KCNH7: variants seen among roughly 807,000 people sequenced by gnomAD.
KCNH7 encodes voltage-gated inwardly rectifying potassium channel KCNH7.
A neutral mutation model predicts 120.8 loss-of-function variants in KCNH7; 49 were observed. That is an observed-to-expected ratio of 0.41 (90% confidence interval 0.32 to 0.51). The LOEUF (loss-of-function observed/expected upper bound fraction) is 0.51, where lower values mean the gene tolerates loss of function less well. Among genes scored for constraint, KCNH7 ranks in the 20% least tolerant of loss-of-function variants. KCNH7 has a pLI of 0.38. For synonymous variants in KCNH7, 547 were observed against 516.1 expected, an observed-to-expected ratio of 1.06 and a Z score of -0.81; for missense variants, 1,097 against 1,446.6, an observed-to-expected ratio of 0.76 and a Z score of 3.92.
intron 2 of KCNH7, among the ~76,000 whole-genome samples, chr2:162,827,321 A>T (rs1246720639): frequency 6.6e-6 from 1 of 152,130 alleles, no homozygotes; most frequent in Non-Finnish European, 1.5e-5. Flanking sequence ...ATACTCCATG[A>T]ATTTTCTACC....
At chr2:162,430,828 C>T (rs1486363341) in intron 8 of KCNH7, among the ~76,000 whole-genome samples, 1 of 151,292 alleles carries the variant, frequency 6.6e-6, no homozygotes, top group East Asian at 1.9e-4. Flanking sequence ...AATACATTTG[C>T]CTTTATTTTT....
intron 2 of KCNH7, among the ~76,000 whole-genome samples, chr2:162,687,695 C>A (rs1413042256): frequency 6.6e-6 from 1 of 152,094 alleles, no homozygotes; most frequent in African/African-American, 2.4e-5. Context: ...TATTAGCACA[C>A]CACTGGTAAA....
chr2:162,779,332 T>C (rs537892837), intron 2 of KCNH7, among the ~76,000 whole-genome samples: 39 of 151,906 alleles, frequency 2.6e-4, no homozygotes, highest in Non-Finnish European at 1.5e-4. Flanking sequence ...TCCTGAGTAG[T>C]TGGGACTACA....
intron 9 of KCNH7, among the ~76,000 whole-genome samples, chr2:162,406,309 C>A: frequency 6.6e-6 from 1 of 151,758 alleles, no homozygotes; most frequent in South Asian, 2.1e-4. Flanking sequence ...CTAATAGATA[C>A]CCCACATCTA....
chr2:162,489,999 T>C (rs1690234962), intron 6 of KCNH7, among the ~76,000 whole-genome samples: 1 of 152,236 alleles, frequency 6.6e-6, no homozygotes, highest in South Asian at 2.1e-4. Context: ...GAGGTTTATA[T>C]GATATATAAG....
chr2:162,770,991 T>G (rs78381026), intron 2 of KCNH7, among the ~76,000 whole-genome samples: 2,558 of 152,194 alleles, frequency 0.017, 69 homozygotes, highest in African/African-American at 0.058. Context: ...CCTATCCAGG[T>G]GATGGTTATG....
chr2:162,419,260 T>C (rs1687628390), intron 9 of KCNH7, among the ~76,000 whole-genome samples: 1 of 141,820 alleles, frequency 7.1e-6, no homozygotes, highest in Non-Finnish European at 1.5e-5. Flanking sequence ...ATTTCCTCCA[T>C]TAATGTCCCA....
At chr2:162,785,815 T>C (rs1328276544) in intron 2 of KCNH7, among the ~76,000 whole-genome samples, 3 of 152,108 alleles carry the variant, frequency 2.0e-5, no homozygotes, top group African/African-American at 7.2e-5. Flanking sequence ...CAGGCAAGAG[T>C]CTATGACCAG....
At chr2:162,546,941 G>A (rs769859905) in intron 2 of KCNH7, among the ~76,000 whole-genome samples, 1 of 152,114 alleles carries the variant, frequency 6.6e-6, no homozygotes, top group Middle Eastern at 3.2e-3. Flanking sequence ...AAGGTTTTGT[G>A]AGGGAAGCTG....
chr2:162,575,910 T>C (rs185166017), intron 2 of KCNH7, among the ~76,000 whole-genome samples: 1 of 152,186 alleles, frequency 6.6e-6, no homozygotes, highest in East Asian at 1.9e-4. Flanking sequence ...AACCAAACAG[T>C]TTATTATTTC....
At chr2:162,723,781 A>T (rs1393526997) in intron 2 of KCNH7, among the ~76,000 whole-genome samples, 3 of 152,214 alleles carry the variant, frequency 2.0e-5, no homozygotes, top group Non-Finnish European at 4.4e-5. Context: ...CTTGTTACCC[A>T]CAGGTGGTGA....
At chr2:162,539,591 T>A (rs1026850443) in intron 2 of KCNH7, among the ~76,000 whole-genome samples, 3 of 147,614 alleles carry the variant, frequency 2.0e-5, no homozygotes, top group South Asian at 2.1e-4. Flanking sequence ...TTTACTGAAT[T>A]ACTAAAAATC....
chr2:162,713,418 C>A (rs1686997329), intron 2 of KCNH7, among the ~76,000 whole-genome samples: 1 of 152,042 alleles, frequency 6.6e-6, no homozygotes, highest in Non-Finnish European at 1.5e-5. Context: ...GTACTGAATA[C>A]CTAGAAATTT....
chr2:162,560,163 G>C (rs1363341062), intron 2 of KCNH7, among the ~76,000 whole-genome samples: 1 of 152,192 alleles, frequency 6.6e-6, no homozygotes, highest in East Asian at 1.9e-4. Flanking sequence ...ATTCAATGAA[G>C]TAAATGTCAA....
At chr2:162,633,419 G>A (rs1321045705) in intron 2 of KCNH7, among the ~76,000 whole-genome samples, 3 of 151,876 alleles carry the variant, frequency 2.0e-5, no homozygotes, top group Non-Finnish European at 2.9e-5. Flanking sequence ...AGTTTATGGT[G>A]TATAATTTAA....
intron 2 of KCNH7, among the ~76,000 whole-genome samples, chr2:162,725,213 C>T (rs933310457): frequency 6.6e-6 from 1 of 152,082 alleles, no homozygotes; most frequent in South Asian, 2.1e-4. Context: ...TTTATATTCA[C>T]TTTGATTATA....
chr2:162,510,348 C>A (rs1425490063), intron 5 of KCNH7, among the ~76,000 whole-genome samples: 1 of 151,452 alleles, frequency 6.6e-6, no homozygotes, highest in East Asian at 2.0e-4. Flanking sequence ...TCATGATTAG[C>A]AGTAGTCAGC....
chr2:162,528,521 C>T (rs980675666), intron 3 of KCNH7, among the ~76,000 whole-genome samples: 3 of 152,010 alleles, frequency 2.0e-5, no homozygotes, highest in Non-Finnish European at 2.9e-5. Context: ...CCACATGATA[C>T]AAATTAGGTG....
chr2:162,675,602 T>C (rs1685508385), intron 2 of KCNH7, among the ~76,000 whole-genome samples: 1 of 151,496 alleles, frequency 6.6e-6, no homozygotes, highest in African/African-American at 2.4e-5. Flanking sequence ...GTCATTTGAG[T>C]GAAAAATATG....
Sources: allele counts gnomAD v4.1 joint callset (sites outside exome capture counted in the v4.1 genomes callset), GRCh38; gene constraint gnomAD v4.1.1; transcripts MANE v1.5; gene names NCBI Gene and HGNC (gene_info 2026-07-23, HGNC 2026-07-21).